Variants in PCDHA5 observed in about 807,000 individuals in gnomAD.
PCDHA5 encodes protocadherin alpha 5, also known as protocadherin alpha-5.
In PCDHA5, 43 loss-of-function variants were observed where a neutral mutation model predicts 61.6. That is an observed-to-expected ratio of 0.70 (90% CI 0.55 to 0.90). The LOEUF is 0.90. Ranked by LOEUF, PCDHA5 falls within the 40% of genes least tolerant of loss-of-function variation. The pLI, the probability that PCDHA5 is intolerant of heterozygous loss-of-function variation, is 0.00. For missense variants in PCDHA5, 1,298 were observed against 1,222.7 expected (o/e 1.06, Z -0.92); for synonymous variants, 627 against 543.9 (o/e 1.15, Z -2.13).
At chr5:140,838,166 T>C (rs1354444358) in intron 1 of PCDHA5, among the ~76,000 whole-genome samples, 1 of 147,660 alleles carries the variant, frequency 6.8e-6, no homozygotes, top group African/African-American at 2.5e-5. Context: ...CTCTCTGGAG[T>C]GCAGTGGTGC....
chr5:140,915,937 G>A (rs782632336), intron 1 of PCDHA5, among the ~76,000 whole-genome samples: 7 of 152,104 alleles, frequency 4.6e-5, no homozygotes, highest in African/African-American at 7.2e-5. Flanking sequence ...GTCAGGGATT[G>A]GAGTCAAAAT....
At chr5:140,984,945 C>CA (rs1307962082) in intron 3 of PCDHA5, among the ~76,000 whole-genome samples, 2 of 149,212 alleles carry the variant, frequency 1.3e-5, no homozygotes, top group African/African-American at 4.9e-5. Flanking sequence ...AATGTCTAAT[C>CA]TTTTTTTTTT....
intron 1 of PCDHA5, among the ~76,000 whole-genome samples, chr5:140,955,244 G>A (rs1554221834): frequency 2.0e-5 from 3 of 152,072 alleles, no homozygotes; most frequent in South Asian, 2.1e-4. Flanking sequence ...GCTTAGGATC[G>A]GCTTGGCTAT....
intron 1 of PCDHA5, chr5:140,927,843 C>T (rs1563097859): frequency 1.2e-6 from 2 of 1,614,186 alleles, no homozygotes; most frequent in Non-Finnish European, 1.7e-6. Context: ...ACGAAGGTGT[C>T]TTTGGTTTAG....
intron 1 of PCDHA5, among the ~76,000 whole-genome samples, chr5:140,965,887 T>C (rs1357808186): frequency 6.6e-6 from 1 of 152,214 alleles, no homozygotes; most frequent in Non-Finnish European, 1.5e-5. Context: ...GAGAGCAGAA[T>C]TGAGTCTTGG....
rs2150435239 is a variant in PCDHA5, at chr5:140,849,330, T to C, written c.2352+25203T>C. On this transcript the variant is annotated intron_variant, in intron 1 of 3. Transcript: ENST00000529859. Reference sequence around the variant, plus strand: ...CGAAGGCTTGAATGGGGATATTATTTACTCCTTCTCCAGTGATGTTTCTCC... The same window carrying C: ...CGAAGGCTTGAATGGGGATATTATTCACTCCTTCTCCAGTGATGTTTCTCC... 7 of 1,375,184 alleles carry C rather than the reference T, an allele frequency of 5.1e-6. No individual in the cohort carries two copies. In the South Asian group the frequency reaches 8.9e-5, roughly 17 times the overall value. 85.2% of individuals were successfully genotyped at this position (1,375,184 alleles called of 1,614,324 possible).
At chr5:140,853,592 T>A in intron 1 of PCDHA5, 2 of 987,050 alleles carry the variant, frequency 2.0e-6, no homozygotes, top group Non-Finnish European at 1.2e-6. Context: ...TTAGACACTT[T>A]GAGAGCAAAG....
Position 140,982,566 on chromosome 5 carries a change from A to G in PCDHA5, c.2500+3A>G, listed in dbSNP as rs372784858. On this transcript the variant is annotated splice_donor_region_variant and intron_variant, in intron 3 of 3. Transcript: ENST00000529859. ...AACAGTATCCAGTGCAACACCAGGT[A>G]AAGAGCTGGGGTCTCTCCATTCTTT... 8 of 1,613,970 alleles carry G rather than the reference A, an allele frequency of 5.0e-6. No individual in the cohort carries two copies. The highest frequency in any genetic ancestry group is 6.8e-6 in the Non-Finnish European group (8 of 1,179,958).
rs2056928091 is a variant in PCDHA5 at position 140,877,191 on chromosome 5, A to C, written c.2352+53064A>C. 3 of 1,613,798 alleles carry C rather than the reference A, an allele frequency of 1.9e-6. No individual in the cohort carries two copies. The South Asian group carries it at 3.3e-5, about 18-fold the overall frequency. Reference sequence around the variant, plus strand: ...TGCTGGCGACTCCGGCTGGCAGCGCAGGAGGCGCAGTTAGCGAGTTGGTAC... The same window carrying C: ...TGCTGGCGACTCCGGCTGGCAGCGCCGGAGGCGCAGTTAGCGAGTTGGTAC... On this transcript the variant is annotated intron_variant, in intron 1 of 3. Transcript: ENST00000529859.
intron 1 of PCDHA5, chr5:140,968,944 G>C (rs782732835): frequency 1.2e-6 from 2 of 1,614,152 alleles, no homozygotes; most frequent in Non-Finnish European, 8.5e-7. Context: ...TCATCATTTT[G>C]AGCATCATCA....
intron 1 of PCDHA5, among the ~76,000 whole-genome samples, chr5:140,900,724 C>T (rs552317505): frequency 2.0e-5 from 3 of 152,296 alleles, no homozygotes; most frequent in Admixed American, 1.3e-4. Flanking sequence ...GAAATCCTAC[C>T]TAGCAGTGGG....
At chr5:140,926,728 T>G in intron 1 of PCDHA5, 4 of 1,061,710 alleles carry the variant, frequency 3.8e-6, no homozygotes, top group Non-Finnish European at 5.0e-6. Flanking sequence ...AATGCCGGCG[T>G]TCGGGAGGCG....
At chr5:140,890,136 T>C (rs1297709763) in intron 1 of PCDHA5, among the ~76,000 whole-genome samples, 4 of 152,148 alleles carry the variant, frequency 2.6e-5, no homozygotes, top group Non-Finnish European at 4.4e-5. Flanking sequence ...TAGCTTGAAA[T>C]TGGCCATGGT....
At chr5:140,995,546 C>T (rs2097688546) in intron 3 of PCDHA5, among the ~76,000 whole-genome samples, 1 of 152,184 alleles carries the variant, frequency 6.6e-6, no homozygotes, top group African/African-American at 2.4e-5. Context: ...AAGGGGCGAT[C>T]ACTGTACTGA....
chr5:140,889,824 C>A (rs1396428338), intron 1 of PCDHA5, among the ~76,000 whole-genome samples: 3 of 152,102 alleles, frequency 2.0e-5, no homozygotes, highest in African/African-American at 4.8e-5. Context: ...CATAAGAAGT[C>A]TTACAGTATG....
intron 1 of PCDHA5, among the ~76,000 whole-genome samples, chr5:140,893,506 A>G (rs2064024014): frequency 1.3e-5 from 2 of 152,170 alleles, no homozygotes; most frequent in African/African-American, 4.8e-5. Flanking sequence ...AGAAAAAAAA[A>G]GCAGTTGTAG....
intron 1 of PCDHA5, among the ~76,000 whole-genome samples, chr5:140,916,590 G>A (rs1022726274): frequency 2.0e-5 from 3 of 152,182 alleles, no homozygotes; most frequent in Non-Finnish European, 4.4e-5. Flanking sequence ...CCATGAGCTA[G>A]GGCCTGGAAT....
At chr5:140,848,357 T>G in intron 1 of PCDHA5, 2 of 1,035,378 alleles carry the variant, frequency 1.9e-6, no homozygotes, top group Non-Finnish European at 2.9e-6. Flanking sequence ...CCTTTTCCCA[T>G]GGGAAAGAGG....
rs2150342799 is a variant in PCDHA5 at position 140,842,713 on chromosome 5, G to C, written c.2352+18586G>C. ...CGCAGCCCGAGTACACGGTGTTCGT[G>C]AAGGAGAACAACCCGCCGGGCTGCC... On this transcript the variant is annotated intron_variant, in intron 1 of 3. Coordinates refer to ENST00000529859, the MANE Select transcript of PCDHA5 (RefSeq NM_018908.3). 4.1e-5 allele frequency: 65 copies of C among 1,595,292 alleles called. 3 individuals are homozygous for C. In the Middle Eastern group the frequency reaches 1.3e-3, roughly 31 times the overall value.
Sources: gnomAD v4.1 joint callset for allele counts (sites outside exome capture counted in the v4.1 genomes callset) on GRCh38, gnomAD v4.1.1 for gene constraint, MANE v1.5 for transcripts, NCBI Gene and HGNC (gene_info 2026-07-23, HGNC 2026-07-21) for gene names.